PPP3R1: variants seen among roughly 807,000 people sequenced by gnomAD.
PPP3R1 encodes the protein protein phosphatase 3 regulatory subunit B, alpha, also known as calcineurin subunit B type 1.
In PPP3R1, 5 loss-of-function variants were observed where a neutral mutation model predicts 22.6. That is an observed-to-expected ratio of 0.22 (90% CI 0.12 to 0.46). The LOEUF (loss-of-function observed/expected upper bound fraction) is 0.46. Among genes scored for constraint, PPP3R1 ranks in the 20% least tolerant of loss-of-function variants. The pLI is 0.99. For missense variants in PPP3R1, 61 were observed against 203.2 expected (o/e 0.30, Z 4.25); for synonymous variants, 56 against 65.2 (o/e 0.86, Z 0.68).
chr2:68,188,647 C>T lies in PPP3R1; in HGVS notation c.87G>A (p.Lys29=). The T allele has an allele frequency of 6.2e-7, 1 of 1,612,220 alleles. No homozygotes were observed. The highest frequency in any genetic ancestry group is 1.7e-5 in the Admixed American group (1 of 59,684). ...EIKRLGKRFK[K]LDLDNSGSLS... ...AAGAACCAGAATTGTCCAAATCAAGCTTCTTAAATCTCTTTCCTAGCCTTT... is the reference window on the plus strand; with the variant it reads ...AAGAACCAGAATTGTCCAAATCAAGTTTCTTAAATCTCTTTCCTAGCCTTT... Residue 29 remains lysine, a synonymous_variant, in exon 3 of 6, where the codon AAG becomes AAA. Transcript: ENST00000234310.
At chr2:68,181,047 C>G (rs1674388827) in intron 5 of PPP3R1, 37 bp from the exon 6 acceptor site, 2 of 1,584,054 alleles carry the variant, frequency 1.3e-6, no homozygotes, top group Admixed American at 3.3e-5. Context: ...TTCACAGTGT[C>G]TGAGAAACTC....
chr2:68,225,893 C>G (rs1669771218), intron 1 of PPP3R1, among the ~76,000 whole-genome samples: 1 of 152,176 alleles, frequency 6.6e-6, no homozygotes, highest in South Asian at 2.1e-4. Flanking sequence ...TCCACAGCAG[C>G]TTTATTCAGC....
At chr2:68,225,610 A>G (rs1669766400) in intron 1 of PPP3R1, among the ~76,000 whole-genome samples, 1 of 152,214 alleles carries the variant, frequency 6.6e-6, no homozygotes, top group Admixed American at 6.5e-5. Flanking sequence ...TTGCAGAACT[A>G]TGAAATAATA....
chr2:68,217,037 C>CGCAG lies in PPP3R1; in HGVS notation c.43+54_43+55insCTGC, dbSNP rs1423333898. On this transcript the variant is annotated intron_variant, in intron 2 of 5. Transcript: ENST00000234310. ...ACACACACACACACACACACACACA[C>CGCAG]ACAGAGAGAGATGAGTGAATAAAAG... 1,047 of 1,279,868 alleles carry CGCAG rather than the reference C, an allele frequency of 8.2e-4. 13 individuals carry two copies. The African/African-American group carries it at 0.019, about 23-fold the overall frequency. The allele number at this position is 1,279,868 out of a possible 1,614,324, so 79.3% of individuals were successfully genotyped here.
intron 2 of PPP3R1, among the ~76,000 whole-genome samples, chr2:68,198,345 G>A (rs572853782): frequency 3.5e-5 from 2 of 56,758 alleles, no homozygotes; most frequent in African/African-American, 1.8e-4. Context: ...ATATGTACAT[G>A]TATATGCATA....
At position 68,188,702 on chromosome 2, in the gene PPP3R1, C is replaced by CA; in HGVS notation, c.44-13dup. 6.4e-7 allele frequency: 1 copy of CA among 1,559,020 alleles called. No homozygotes were observed. Among genetic ancestry groups the CA allele is most frequent in the Non-Finnish European group, 8.6e-7 (1 of 1,158,004 alleles). The stretch of plus-strand genomic sequence containing the variant: ...TTCATCCGCATCAACTAAAAGCAAA[C>CA]AAAAAAGGAAGCAAGAATTTTTTAA... On this transcript the variant is annotated splice_polypyrimidine_tract_variant and intron_variant, in intron 2 of 5. Coordinates refer to ENST00000234310, the MANE Select transcript of PPP3R1 (RefSeq NM_000945.4).
chr2:68,203,780 G>A (rs1572959740), intron 2 of PPP3R1, among the ~76,000 whole-genome samples: 1 of 152,094 alleles, frequency 6.6e-6, no homozygotes, highest in Non-Finnish European at 1.5e-5. Flanking sequence ...ACTCAAACCA[G>A]AAACAAAACT....
chr2:68,240,875 C>T (rs1163307404), intron 1 of PPP3R1, among the ~76,000 whole-genome samples: 1 of 152,140 alleles, frequency 6.6e-6, no homozygotes. Flanking sequence ...TTGAGAGAGT[C>T]TTGGACCAAA....
chr2:68,217,504 C>A (rs1669602669), intron 1 of PPP3R1, among the ~76,000 whole-genome samples: 1 of 152,068 alleles, frequency 6.6e-6, no homozygotes, highest in Non-Finnish European at 1.5e-5. Flanking sequence ...GAGATTAGAA[C>A]AAAGATTCCC....
At chr2:68,214,391 A>G (rs1669537631) in intron 2 of PPP3R1, among the ~76,000 whole-genome samples, 1 of 152,234 alleles carries the variant, frequency 6.6e-6, no homozygotes, top group Admixed American at 6.5e-5. Context: ...CGCATCTATC[A>G]AAGGTCTAAC....
At chr2:68,249,616 A>T (rs369398648) in intron 1 of PPP3R1, among the ~76,000 whole-genome samples, 4 of 152,076 alleles carry the variant, frequency 2.6e-5, no homozygotes, top group Non-Finnish European at 5.9e-5. Context: ...AATTCCTAGG[A>T]GCTCACTATT....
Position 68,180,552 on chromosome 2 carries a change from C to CT in PPP3R1, c.*410dup, listed in dbSNP as rs1455682532. 1 of 152,986 alleles carries CT rather than the reference C, an allele frequency of 6.5e-6. No homozygotes were observed. The highest frequency in any genetic ancestry group is 2.4e-5 in the African/African-American group (1 of 41,422). 9.5% of individuals were successfully genotyped at this position (152,986 alleles called of 1,614,324 possible). A position where few individuals can be genotyped will look rare whatever the true frequency, so the allele number is the denominator to read the frequency against. On this transcript the variant is annotated 3_prime_UTR_variant, in exon 6 of 6. Transcript: ENST00000234310. ...ATGTTCTGCTTGGCACTTTTGTACT[C>CT]TATTGTTTTGTTTCTGAATCAAGTA...
At chr2:68,231,648 T>C (rs1488337248) in intron 1 of PPP3R1, among the ~76,000 whole-genome samples, 1 of 152,192 alleles carries the variant, frequency 6.6e-6, no homozygotes, top group African/African-American at 2.4e-5. Context: ...CGTGTAGTTA[T>C]TGGTTGAGAT....
intron 1 of PPP3R1, among the ~76,000 whole-genome samples, chr2:68,242,591 T>C (rs1670157135): frequency 6.6e-6 from 1 of 152,200 alleles, no homozygotes. Context: ...AGTTTATAAT[T>C]CATGAAATTC....
intron 1 of PPP3R1, among the ~76,000 whole-genome samples, chr2:68,243,051 A>G (rs1347581437): frequency 6.6e-6 from 1 of 152,192 alleles, no homozygotes; most frequent in African/African-American, 2.4e-5. Flanking sequence ...ATCTACAGGA[A>G]TGTTTTTTTG....
At chr2:68,189,942 G>A (rs1674626355) in intron 2 of PPP3R1, among the ~76,000 whole-genome samples, 1 of 151,862 alleles carries the variant, frequency 6.6e-6, no homozygotes, top group African/African-American at 2.4e-5. Context: ...ATGTTATACT[G>A]CCCATGAGTA....
chr2:68,235,078 GA>G (rs953435244), intron 1 of PPP3R1, among the ~76,000 whole-genome samples: 1 of 152,192 alleles, frequency 6.6e-6, no homozygotes, highest in Non-Finnish European at 1.5e-5. Context: ...TGAGTAACGA[GA>G]AAGATTTGAG....
intron 1 of PPP3R1, among the ~76,000 whole-genome samples, chr2:68,239,634 G>A (rs1430337521): frequency 6.6e-6 from 1 of 152,008 alleles, no homozygotes; most frequent in East Asian, 1.9e-4. Context: ...AAATACGAAT[G>A]AATCATCAGT....
intron 2 of PPP3R1, among the ~76,000 whole-genome samples, chr2:68,208,624 AT>A (rs1308927026): frequency 6.6e-6 from 1 of 152,182 alleles, no homozygotes; most frequent in Non-Finnish European, 1.5e-5. Flanking sequence ...CCCTCATATG[AT>A]CCTAATTATA....
Sources: gnomAD v4.1 joint callset for allele counts (sites outside exome capture counted in the v4.1 genomes callset) on GRCh38, gnomAD v4.1.1 for gene constraint, MANE v1.5 for transcripts, NCBI Gene and HGNC (gene_info 2026-07-23, HGNC 2026-07-21) for gene names.